Variants in CASQ2 observed in about 807,000 individuals in gnomAD.
The protein encoded by CASQ2 is calsequestrin-2.
A neutral mutation model predicts 46.5 loss-of-function variants in CASQ2; 49 were observed. The observed-to-expected ratio is 1.05, with a 90% CI of 0.84 to 1.34. The LOEUF (loss-of-function observed/expected upper bound fraction) is 1.34. CASQ2 is among the 40% of genes most tolerant of loss of function. The pLI is 0.00. For synonymous variants in CASQ2, 174 were observed against 168.5 expected (o/e 1.03, Z -0.25); for missense variants, 486 against 481.3 (o/e 1.01, Z -0.09).
At chr1:115,751,504 TA>T (rs5777246) in intron 1 of CASQ2, among the ~76,000 whole-genome samples, 1,917 of 151,170 alleles carry the variant, frequency 0.013, 43 homozygotes, top group African/African-American at 0.043. Flanking sequence ...CCATCTCTGC[TA>T]AAAAAAATAC....
At chr1:115,717,776 G>T in intron 8 of CASQ2, 64 bp downstream of exon 8, 3 of 1,181,796 alleles carry the variant, frequency 2.5e-6, no homozygotes, top group Non-Finnish European at 3.8e-6. Context: ...AAAGGTGAGG[G>T]CTGGCAAAGG....
intron 7 of CASQ2, among the ~76,000 whole-genome samples, chr1:115,722,938 C>G (rs890682433): frequency 2.6e-5 from 4 of 152,044 alleles, no homozygotes; most frequent in Admixed American, 2.6e-4. Flanking sequence ...ATCCCAGCTA[C>G]TTGGGAGGCT....
chr1:115,738,168 A>G lies in CASQ2; in HGVS notation c.532+56T>C, dbSNP rs1389708237. The stretch of plus-strand genomic sequence containing the variant: ...ATCCTCTTTTGGGGTAACCTGACAT[A>G]CCTTGTTTGGAATCTAGCTTTTAGA... On this transcript the variant is annotated intron_variant, in intron 4 of 10. Coordinates refer to ENST00000261448, the MANE Select transcript of CASQ2 (RefSeq NM_001232.4). The G allele has an allele frequency of 2.0e-5, 21 of 1,053,838 alleles. No individual in the cohort carries two copies. The East Asian group carries it at 2.6e-4, about 13-fold the overall frequency. 65.3% of individuals were successfully genotyped at this position (1,053,838 alleles called of 1,614,324 possible).
intron 7 of CASQ2, among the ~76,000 whole-genome samples, chr1:115,723,665 G>C (rs972234841): frequency 1.3e-5 from 2 of 151,958 alleles, no homozygotes; most frequent in African/African-American, 2.4e-5. Flanking sequence ...AGCCTCCAGA[G>C]TAGGTGGGAC....
At chr1:115,722,343 T>C (rs1046526179) in intron 7 of CASQ2, among the ~76,000 whole-genome samples, 3 of 152,274 alleles carry the variant, frequency 2.0e-5, no homozygotes, top group Non-Finnish European at 4.4e-5. Flanking sequence ...GGCTGTATTT[T>C]ATCTTATTCA....
intron 1 of CASQ2, among the ~76,000 whole-genome samples, chr1:115,763,869 C>T (rs2101125173): frequency 6.6e-6 from 1 of 152,166 alleles, no homozygotes; most frequent in African/African-American, 2.4e-5. Context: ...ACAGCAGTTT[C>T]AAGGAAAAAG....
chr1:115,764,589 G>A (rs1416691307), intron 1 of CASQ2, among the ~76,000 whole-genome samples: 3 of 152,198 alleles, frequency 2.0e-5, no homozygotes, highest in African/African-American at 7.2e-5. Context: ...GCTATGAAAT[G>A]AGGGGTTCAG....
rs182843730 is a variant in CASQ2 at position 115,703,683 on chromosome 1, A to G, written c.940-688T>C. ...GGTGGCTCATGCTTGTAGTCCCAGC[A>G]CTTTGGGACTGGAGTCCAGGAGTTT... is the stretch of plus-strand genomic sequence containing the variant. On this transcript the variant is annotated intron_variant, in intron 9 of 10. Coordinates refer to ENST00000261448, the MANE Select transcript of CASQ2 (RefSeq NM_001232.4). 1.8e-3 allele frequency among the ~76,000 whole-genome samples: 267 copies of G among 152,242 alleles called. 2 individuals carry two copies. Among genetic ancestry groups the G allele is most frequent in the African/African-American group, 6.2e-3 (257 of 41,554 alleles).
rs121434549 is a variant in CASQ2, at chr1:115,705,212, C to G, written c.919G>C (p.Asp307His). The change falls in exon 9 of 11, where the codon GAC becomes CAC. Residue 307 changes from aspartate to histidine, a missense_variant. Transcript: ENST00000261448. The stretch of plus-strand genomic sequence containing the variant: ...CTCACCAGAGGAAAGTCGTCCGGGT[C>G]GATCCACAGGATGCTCAGATCGGGG... ...DNPDLSILWIDPDDFPLLVAY... is the reference protein window; with the variant it reads ...DNPDLSILWIHPDDFPLLVAY... 6.2e-7 allele frequency: 1 copy of G among 1,613,178 alleles called. No individual in the cohort carries two copies. Among genetic ancestry groups the G allele is most frequent in the Middle Eastern group, 1.6e-4 (1 of 6,062 alleles).
chr1:115,760,701 G>A (rs1397124758), intron 1 of CASQ2, among the ~76,000 whole-genome samples: 1 of 152,114 alleles, frequency 6.6e-6, no homozygotes, highest in African/African-American at 2.4e-5. Flanking sequence ...AGCACCTGTG[G>A]GGATAAGACC....
At chr1:115,722,141 G>T (rs182299039) in intron 7 of CASQ2, among the ~76,000 whole-genome samples, 1 of 152,314 alleles carries the variant, frequency 6.6e-6, no homozygotes, top group African/African-American at 2.4e-5. Context: ...GGCTGACTAG[G>T]TCTGGTTAGG....
intron 4 of CASQ2, among the ~76,000 whole-genome samples, chr1:115,735,602 G>T (rs1303801668): frequency 6.6e-6 from 1 of 152,194 alleles, no homozygotes; most frequent in Non-Finnish European, 1.5e-5. Context: ...TTTTAAGAAT[G>T]ATTATTAAGA....
chr1:115,739,083 TA>T, intron 3 of CASQ2, among the ~76,000 whole-genome samples: 1 of 148,684 alleles, frequency 6.7e-6, no homozygotes, highest in South Asian at 2.1e-4. Flanking sequence ...AAAAGCTGAA[TA>T]GTATTCCCTT....
At position 115,725,557 on chromosome 1, in the gene CASQ2, G is replaced by GAAA. The variant is rs56889721; in HGVS notation, c.738-7_738-5dup. ...GCGCAGGCGACGTAGAGTGGGTCTG[G>GAAA]AAAAAAAAAAAAAAAAAAAAAAAGA... On this transcript the variant is annotated splice_region_variant and splice_polypyrimidine_tract_variant and intron_variant, in intron 6 of 10. Transcript: ENST00000261448. The GAAA allele has an allele frequency of 7.0e-4, 974 of 1,401,196 alleles. 6 individuals are homozygous for GAAA. The highest frequency in any genetic ancestry group is 3.9e-3 in the Admixed American group (165 of 41,954). The allele number at this position is 1,401,196 out of a possible 1,614,324, so 86.8% of individuals were successfully genotyped here. A position where few individuals can be genotyped will look rare whatever the true frequency, so the allele number is the denominator to read the frequency against.
chr1:115,756,755 C>A (rs947181899), intron 1 of CASQ2, among the ~76,000 whole-genome samples: 14 of 151,942 alleles, frequency 9.2e-5, no homozygotes, highest in African/African-American at 3.4e-4. Flanking sequence ...AAGACCAGCC[C>A]AGCCAACATG....
At chr1:115,730,088 A>G (rs913394930) in intron 5 of CASQ2, among the ~76,000 whole-genome samples, 1 of 152,226 alleles carries the variant, frequency 6.6e-6, no homozygotes, top group African/African-American at 2.4e-5. Flanking sequence ...TAGTATTAAT[A>G]GATCAGTACT....
Position 115,720,917 on chromosome 1 carries a change from A to G in CASQ2, c.784-3023T>C, listed in dbSNP as rs74354421. ...CAATAAAAACCTTACTCACTGAAGA[A>G]AATTAGAAAATATTAGGTATACCAA... is the stretch of plus-strand genomic sequence containing the variant. On this transcript the variant is annotated intron_variant, in intron 7 of 10. Transcript: ENST00000261448. Among the ~76,000 whole-genome samples the G allele has an allele frequency of 7.9e-5, 12 of 152,350 alleles. No homozygotes were observed. In the East Asian group the frequency reaches 2.3e-3, roughly 29 times the overall value.
chr1:115,732,960 C>T lies in CASQ2; in HGVS notation c.547G>A (p.Glu183Lys), dbSNP rs781262104. 1.9e-6 allele frequency: 3 copies of T among 1,613,350 alleles called. No homozygotes were observed. Among genetic ancestry groups the T allele is most frequent in the South Asian group, 2.2e-5 (2 of 91,042 alleles). Residue 183 changes from glutamate to lysine, a missense_variant, in exon 5 of 11, where the codon GAA becomes AAA. Glu to Lys is a moderately conservative substitution (Grantham distance 56). Coordinates refer to ENST00000261448, the MANE Select transcript of CASQ2 (RefSeq NM_001232.4). ...GGCTGGAAGTGTTCAGCTGCTTCTT[C>T]AAAAGCCTTGTAGTCTAAGGGGAAA... Reference protein sequence around the residue: ...SEDSEYYKAFEEAAEHFQPYI... With the variant: ...SEDSEYYKAFKEAAEHFQPYI...
At chr1:115,738,011 CCTGG>C in intron 4 of CASQ2, among the ~76,000 whole-genome samples, 1 of 152,290 alleles carries the variant, frequency 6.6e-6, no homozygotes, top group Non-Finnish European at 1.5e-5. Flanking sequence ...AGCTGGAGAA[CCTGG>C]CCCCTCCTTA....
Sources: gnomAD v4.1 joint callset for allele counts (sites outside exome capture counted in the v4.1 genomes callset) on GRCh38, gnomAD v4.1.1 for gene constraint, MANE v1.5 for transcripts, NCBI Gene and HGNC (gene_info 2026-07-23, HGNC 2026-07-21) for gene names.